Variants in A2M observed in about 807,000 individuals in gnomAD.
A2M encodes alpha-2-macroglobulin, also known as C3 and PZP-like alpha-2-macroglobulin domain-containing protein 5.
In A2M, 128 loss-of-function variants were observed where a neutral mutation model predicts 183.9. The ratio of observed to expected loss-of-function variants is 0.70; its 90% confidence interval spans 0.60 to 0.81. The LOEUF (loss-of-function observed/expected upper bound fraction) is 0.81. Ranked by LOEUF, A2M falls within the 30% of genes least tolerant of loss-of-function variation. The pLI is 0.00. For synonymous variants in A2M, 592 were observed against 670.8 expected (o/e 0.88, Z 1.81); for missense variants, 1,495 against 1,787.6 (o/e 0.84, Z 2.95).
At chr12:9,091,543 T>C in intron 18 of A2M, 114 bp from the exon 19 acceptor site, 2 of 1,044,674 alleles carry the variant, frequency 1.9e-6, no homozygotes, top group South Asian at 1.6e-5. Flanking sequence ...TCAATAGAAA[T>C]ACCAATAATG....
intron 18 of A2M, among the ~76,000 whole-genome samples, chr12:9,092,625 G>T (rs1467694053): frequency 3.3e-5 from 5 of 152,158 alleles, no homozygotes; most frequent in Non-Finnish European, 7.3e-5. Flanking sequence ...TCTGTTTCCA[G>T]TGTCTCTCTG....
At chr12:9,096,262 C>T (rs949416788) in intron 15 of A2M, among the ~76,000 whole-genome samples, 5 of 152,146 alleles carry the variant, frequency 3.3e-5, no homozygotes, top group African/African-American at 9.7e-5. Context: ...AGTACTACTT[C>T]GTTACACAGT....
chr12:9,098,836 T>A, intron 14 of A2M, 80 bp from the exon 15 acceptor site: 1 of 1,502,644 alleles, frequency 6.7e-7, no homozygotes, highest in Non-Finnish European at 9.0e-7. Context: ...AGAGTGTTCC[T>A]CATGTACAAT....
rs1948689385 is a variant in A2M, at chr12:9,074,780, T to C, written c.3536A>G (p.Asn1179Ser). The C allele has an allele frequency of 6.2e-7, 1 of 1,610,308 alleles. No individual in the cohort carries two copies. Among genetic ancestry groups the C allele is most frequent in the Non-Finnish European group, 8.5e-7 (1 of 1,178,246 alleles). Reference sequence around the variant, plus strand: ...CTGAGGGCGCTCCCAATGGACAGAGTTGTCTTAAAGATGAGAAAAAGATAT... The same window carrying C: ...CTGAGGGCGCTCCCAATGGACAGAGCTGTCTTAAAGATGAGAAAAAGATAT... The part of the protein sequence containing the change: ...SLNEEAVKKD[N>S]SVHWERPQKP... The change falls in exon 29 of 36, where the codon AAC becomes AGC. Residue 1179 changes from asparagine to serine, a missense_variant. Transcript: ENST00000318602.
chr12:9,113,614 C>A, intron 1 of A2M, 71 bp from the exon 2 acceptor site: 1 of 1,423,086 alleles, frequency 7.0e-7, no homozygotes, highest in Non-Finnish European at 9.8e-7. Context: ...CACTTTTTTC[C>A]ATCATCATAA....
At chr12:9,103,782 A>G (rs923684076) in intron 11 of A2M, among the ~76,000 whole-genome samples, 4 of 152,128 alleles carry the variant, frequency 2.6e-5, no homozygotes, top group Non-Finnish European at 4.4e-5. Flanking sequence ...TGTTGTATTT[A>G]TATACCACAT....
chr12:9,096,015 T>G (rs1037197362), intron 15 of A2M, among the ~76,000 whole-genome samples: 2 of 151,966 alleles, frequency 1.3e-5, no homozygotes, highest in Non-Finnish European at 2.9e-5. Context: ...CGCCTCGGCC[T>G]CCCAAAGTGC....
In A2M at chr12:9,072,644, G is replaced by A. The variant is rs899398915; in HGVS notation, c.3975+9C>T. The A allele has an allele frequency of 3.7e-5, 59 of 1,613,808 alleles. No individual in the cohort carries two copies. Among genetic ancestry groups the A allele is most frequent in the Non-Finnish European group, 5.0e-5 (59 of 1,179,732 alleles). On this transcript the variant is annotated intron_variant, in intron 30 of 35. Coordinates refer to ENST00000318602, the MANE Select transcript of A2M (RefSeq NM_000014.6). ...ATCTGTCCTGTCCTCACCTGCCCAA[G>A]AGTCTCACCTGGAGGTAGACACATC...
At chr12:9,103,233 A>G (rs888041631) in intron 11 of A2M, among the ~76,000 whole-genome samples, 4 of 152,212 alleles carry the variant, frequency 2.6e-5, no homozygotes, top group Non-Finnish European at 5.9e-5. Flanking sequence ...TTCAACATGT[A>G]TGATTTCACT....
chr12:9,089,167 A>G, intron 22 of A2M, 33 bp downstream of exon 22: 1 of 1,493,496 alleles, frequency 6.7e-7, no homozygotes, highest in Non-Finnish European at 9.2e-7. Flanking sequence ...GTTAGACTTT[A>G]ATGTTTTTTA....
intron 1 of A2M, 83 bp from the exon 2 acceptor site, chr12:9,113,626 TATC>T (rs2137993049): frequency 1.5e-6 from 2 of 1,335,184 alleles, no homozygotes; most frequent in South Asian, 2.6e-5. Context: ...TCATCATAAT[TATC>T]ATCATCAGTT....
At chr12:9,081,845 C>T (rs1948916113) in intron 22 of A2M, among the ~76,000 whole-genome samples, 1 of 152,228 alleles carries the variant, frequency 6.6e-6, no homozygotes, top group African/African-American at 2.4e-5. Context: ...GGACAGAGCT[C>T]ACAGTGACCA....
At chr12:9,077,195 G>T in intron 27 of A2M, 151 bp downstream of exon 27, 2 of 838,226 alleles carry the variant, frequency 2.4e-6, no homozygotes, top group Non-Finnish European at 3.6e-6. Flanking sequence ...TTAATGGGCT[G>T]ACCAAATTCT....
In A2M at chr12:9,074,741, G is replaced by A. The variant is rs754324054; in HGVS notation, c.3575C>T (p.Pro1192Leu). Residue 1192 changes from proline (P) to leucine (L), a missense_variant, in exon 29 of 36, where the codon CCA becomes CTA. Pro to Leu is a moderately conservative substitution (Grantham distance 98). Coordinates refer to ENST00000318602, the MANE Select transcript of A2M (RefSeq NM_000014.6). ...HWERPQKPKA[P>L]VGHFYEPQAP... ...CTGGGGTTCGTAAAAATGCCCCACT[G>A]GTGCCTTGGGTTTCTGAGGGCGCTC... The A allele has an allele frequency of 1.9e-6, 3 of 1,613,718 alleles. No individual in the cohort carries two copies. Among genetic ancestry groups the A allele is most frequent in the Non-Finnish European group, 1.7e-6 (2 of 1,179,882 alleles).
rs745827762 is a variant in A2M at position 9,094,956 on chromosome 12, A to G, written c.2125+17T>C. On this transcript the variant is annotated intron_variant, in intron 17 of 35. Coordinates refer to ENST00000318602, the MANE Select transcript of A2M (RefSeq NM_000014.6). The stretch of plus-strand genomic sequence containing the variant: ...TGAATATATTAGGCAATATATATTT[A>G]TTAATTTTTTGTTTACCATAAAAAC... 8.2e-6 allele frequency: 11 copies of G among 1,342,312 alleles called. No homozygotes were observed. The highest frequency in any genetic ancestry group is 1.0e-5 in the Non-Finnish European group (10 of 989,738). 83.2% of individuals were successfully genotyped at this position (1,342,312 alleles called of 1,614,324 possible).
Position 9,111,247 on chromosome 12 carries a change from A to G in A2M, c.483+912T>C, listed in dbSNP as rs766296471. ...TATTGAGAATATAACCACGCACAAA[A>G]GAACAATAAACCATGTTTTAATGGA... On this transcript the variant is annotated intron_variant, in intron 4 of 35. Coordinates refer to ENST00000318602, the MANE Select transcript of A2M (RefSeq NM_000014.6). Among the ~76,000 whole-genome samples the G allele has an allele frequency of 7.2e-5, 11 of 152,316 alleles. No homozygotes were observed. In the East Asian group the frequency reaches 2.1e-3, roughly 29 times the overall value.
chr12:9,105,191 C>T (rs1938190304), intron 10 of A2M, among the ~76,000 whole-genome samples: 1 of 152,124 alleles, frequency 6.6e-6, no homozygotes, highest in African/African-American at 2.4e-5. Flanking sequence ...AATAGGCTGA[C>T]CCCCATCAGT....
intron 8 of A2M, among the ~76,000 whole-genome samples, 180 bp downstream of exon 8, chr12:9,107,344 T>C (rs1938371301): frequency 6.6e-6 from 1 of 152,202 alleles, no homozygotes; most frequent in South Asian, 2.1e-4. Context: ...CAATGGGCAA[T>C]TACGAGAAAT....
At chr12:9,105,021 C>T (rs1459070372) in intron 10 of A2M, among the ~76,000 whole-genome samples, 1 of 152,008 alleles carries the variant, frequency 6.6e-6, no homozygotes, top group Non-Finnish European at 1.5e-5. Flanking sequence ...GACACACTTC[C>T]CATGTGAAAA....
Sources: gnomAD v4.1 joint callset for allele counts (sites outside exome capture counted in the v4.1 genomes callset) on GRCh38, gnomAD v4.1.1 for gene constraint, MANE v1.5 for transcripts, NCBI Gene and HGNC (gene_info 2026-07-23, HGNC 2026-07-21) for gene names.